The following NRXN3 variants were observed in gnomAD, a reference collection of about 807,000 sequenced individuals.
The protein encoded by NRXN3 is neurexin III.
Under a neutral mutation model 137.6 loss-of-function variants are expected in NRXN3, and 32 were observed. The ratio of observed to expected loss-of-function variants is 0.23; its 90% CI spans 0.18 to 0.31. The LOEUF (loss-of-function observed/expected upper bound fraction) is 0.31, where lower values mean the gene tolerates loss of function less well. Ranked by LOEUF, NRXN3 falls within the 10% of genes least tolerant of loss-of-function variation. NRXN3 has a pLI of 1.00. For synonymous variants in NRXN3, 798 were observed against 784.5 expected, an observed-to-expected ratio of 1.02 and a Z score of -0.29; for missense variants, 1,574 against 2,062.5, an observed-to-expected ratio of 0.76 and a Z score of 4.59.
chr14:78,715,545 G>A (rs1430175022), intron 8 of NRXN3, among the ~76,000 whole-genome samples: 2 of 152,276 alleles, frequency 1.3e-5, no homozygotes, highest in East Asian at 3.9e-4. Context: ...AACAAGACAG[G>A]TACATCGCTG....
intron 15 of NRXN3, among the ~76,000 whole-genome samples, chr14:79,080,268 T>G (rs2046724164): frequency 6.6e-6 from 1 of 152,172 alleles, no homozygotes; most frequent in African/African-American, 2.4e-5. Context: ...CTCACTCAAT[T>G]TCAAAGCAAA....
At chr14:78,730,080 G>A (rs992108396) in intron 8 of NRXN3, among the ~76,000 whole-genome samples, 5 of 152,130 alleles carry the variant, frequency 3.3e-5, no homozygotes, top group African/African-American at 1.2e-4. Context: ...CCCTAGGCTG[G>A]GGCCTAGCCT....
At chr14:79,543,868 G>C (rs926369802) in intron 16 of NRXN3, among the ~76,000 whole-genome samples, 5 of 152,164 alleles carry the variant, frequency 3.3e-5, no homozygotes, top group Non-Finnish European at 4.4e-5. Flanking sequence ...ACAGTCTGGT[G>C]TGTATGTTAA....
At chr14:79,857,724 C>G (rs575495800) in intron 20 of NRXN3, among the ~76,000 whole-genome samples, 1 of 152,124 alleles carries the variant, frequency 6.6e-6, no homozygotes, top group South Asian at 2.1e-4. Flanking sequence ...AATGTTCTAC[C>G]TATTTTCATT....
At chr14:79,047,497 T>G (rs1407010935) in intron 15 of NRXN3, among the ~76,000 whole-genome samples, 3 of 152,060 alleles carry the variant, frequency 2.0e-5, no homozygotes, top group African/African-American at 7.2e-5. Flanking sequence ...AATTAAAGGG[T>G]AAATTTTAAA....
intron 16 of NRXN3, among the ~76,000 whole-genome samples, chr14:79,533,345 CT>C (rs1159415482): frequency 4.6e-5 from 7 of 152,074 alleles, no homozygotes; most frequent in Admixed American, 4.6e-4. Flanking sequence ...AAGTTCTCAG[CT>C]TGATATTTTT....
chr14:79,538,369 T>C (rs998464200), intron 16 of NRXN3, among the ~76,000 whole-genome samples: 1 of 152,238 alleles, frequency 6.6e-6, no homozygotes, highest in Non-Finnish European at 1.5e-5. Context: ...TCCTTGCCCA[T>C]GCCTATGTCC....
chr14:79,126,529 G>A (rs1274529966), intron 15 of NRXN3, among the ~76,000 whole-genome samples: 4 of 152,146 alleles, frequency 2.6e-5, no homozygotes, highest in East Asian at 1.9e-4. Flanking sequence ...GCTGCATAGT[G>A]TTCCATGGTC....
chr14:79,039,887 A>G (rs2099622302), intron 15 of NRXN3, among the ~76,000 whole-genome samples: 1 of 152,096 alleles, frequency 6.6e-6, no homozygotes, highest in Admixed American at 6.6e-5. Context: ...TACTTTTTGT[A>G]GAGACAGGAT....
chr14:79,770,208 A>G (rs978299355), intron 19 of NRXN3, among the ~76,000 whole-genome samples: 7 of 152,164 alleles, frequency 4.6e-5, no homozygotes, highest in African/African-American at 1.4e-4. Context: ...AACATTAGAC[A>G]GATCAATGAG....
intron 4 of NRXN3, among the ~76,000 whole-genome samples, chr14:78,391,607 G>A (rs2090784183): frequency 6.6e-6 from 1 of 152,050 alleles, no homozygotes; most frequent in Admixed American, 6.6e-5. Context: ...CACTCAGCAA[G>A]GTGCTATAAA....
chr14:79,455,909 G>A (rs994725451), intron 15 of NRXN3, among the ~76,000 whole-genome samples: 1 of 151,460 alleles, frequency 6.6e-6, no homozygotes, highest in East Asian at 1.9e-4. Flanking sequence ...TCTTATTTTT[G>A]TAATAGTGCA....
intron 4 of NRXN3, among the ~76,000 whole-genome samples, chr14:78,501,067 C>A (rs1398910624): frequency 6.6e-6 from 1 of 152,148 alleles, no homozygotes; most frequent in Non-Finnish European, 1.5e-5. Flanking sequence ...CTTTCTTTTA[C>A]TTATGACATG....
intron 10 of NRXN3, among the ~76,000 whole-genome samples, chr14:78,814,647 C>T (rs950768590): frequency 2.0e-5 from 3 of 152,046 alleles, no homozygotes; most frequent in African/African-American, 7.2e-5. Context: ...CAAAAAGAAC[C>T]AGGGCTGTTT....
intron 14 of NRXN3, among the ~76,000 whole-genome samples, chr14:78,987,632 G>A (rs932243496): frequency 6.6e-6 from 1 of 151,694 alleles, no homozygotes; most frequent in African/African-American, 2.4e-5. Flanking sequence ...AAAACACTGT[G>A]CCTTAATTTA....
At chr14:78,457,381 C>T (rs983397385) in intron 4 of NRXN3, among the ~76,000 whole-genome samples, 1 of 151,958 alleles carries the variant, frequency 6.6e-6, no homozygotes, top group Non-Finnish European at 1.5e-5. Flanking sequence ...GAGTACAGAG[C>T]GAGGATGATG....
At chr14:79,697,247 G>A (rs368051892) in intron 18 of NRXN3, among the ~76,000 whole-genome samples, 12 of 151,614 alleles carry the variant, frequency 7.9e-5, no homozygotes, top group Admixed American at 3.3e-4. Flanking sequence ...ATTTTACTTC[G>A]TAGCTTTAAA....
intron 19 of NRXN3, among the ~76,000 whole-genome samples, chr14:79,775,873 A>G (rs17764668): frequency 0.092 from 14,054 of 152,220 alleles, 879 homozygotes; most frequent in Middle Eastern, 0.18. Flanking sequence ...GCTGTACTTG[A>G]TAGTTGGTAA....
At chr14:79,803,911 A>ATG (rs1555743983) in intron 19 of NRXN3, among the ~76,000 whole-genome samples, 92 of 136,964 alleles carry the variant, frequency 6.7e-4, no homozygotes, top group African/African-American at 2.4e-3. Flanking sequence ...ATATATATAT[A>ATG]TGTATATATA....
Sources: allele counts gnomAD v4.1 joint callset (sites outside exome capture counted in the v4.1 genomes callset), GRCh38; gene constraint gnomAD v4.1.1; transcripts MANE v1.5; gene names NCBI Gene and HGNC (gene_info 2026-07-23, HGNC 2026-07-21).